GALNT12: variants seen among roughly 807,000 people sequenced by gnomAD.
GALNT12 encodes the protein UDP-GalNAc:polypeptide N-acetylgalactosaminyltransferase 12.
GALNT12 carries 45 observed loss-of-function variants against 55.5 expected under a neutral mutation model. That is an observed-to-expected ratio of 0.81 (90% CI 0.64 to 1.04). GALNT12 has a LOEUF of 1.04. Ranked by LOEUF, GALNT12 falls within the 50% of genes least tolerant of loss-of-function variation. The pLI is 0.00. For synonymous variants in GALNT12, 304 were observed against 312.2 expected (o/e 0.97, Z 0.28); for missense variants, 709 against 754.8 (o/e 0.94, Z 0.71).
At chr9:98,830,379 G>A (rs1011124293) in intron 3 of GALNT12, among the ~76,000 whole-genome samples, 3 of 152,220 alleles carry the variant, frequency 2.0e-5, no homozygotes, top group African/African-American at 7.2e-5. Context: ...TATCAGGGAG[G>A]CCAAGTATCC....
intron 1 of GALNT12, among the ~76,000 whole-genome samples, chr9:98,811,097 G>T (rs1835485993): frequency 1.3e-5 from 2 of 152,284 alleles, no homozygotes; most frequent in Admixed American, 6.5e-5. Context: ...AATATCTGTG[G>T]CTAGGACCTA....
chr9:98,838,253 C>T (rs904586396), intron 6 of GALNT12, among the ~76,000 whole-genome samples: 2 of 152,190 alleles, frequency 1.3e-5, no homozygotes, highest in South Asian at 2.1e-4. Context: ...CCCAGGCCCC[C>T]GCTGCTACTC....
chr9:98,849,845 AT>A lies in GALNT12; in HGVS notation c.*758del, dbSNP rs1359326017. 2 of 341,938 alleles carry A rather than the reference AT, an allele frequency of 5.8e-6. No individual in the cohort carries two copies. The highest frequency in any genetic ancestry group is 4.2e-5 in the African/African-American group (2 of 47,712). The allele number at this position is 341,938 out of a possible 1,614,324, so 21.2% of individuals were successfully genotyped here. ...TTAAAACATGTTTATATCATTTTTAATTTTTATGATACGGTAGTGTCAGGGA... is the reference window on the plus strand; with the variant it reads ...TTAAAACATGTTTATATCATTTTTAATTTTATGATACGGTAGTGTCAGGGA... On this transcript the variant is annotated 3_prime_UTR_variant, in exon 10 of 10. Coordinates refer to ENST00000375011, the MANE Select transcript of GALNT12 (RefSeq NM_024642.5).
intron 7 of GALNT12, among the ~76,000 whole-genome samples, chr9:98,840,525 G>A (rs1402872642): frequency 6.6e-6 from 1 of 152,066 alleles, no homozygotes; most frequent in African/African-American, 2.4e-5. Flanking sequence ...GTCACTTCGA[G>A]TATTTCAAAA....
intron 3 of GALNT12, among the ~76,000 whole-genome samples, chr9:98,829,928 CA>C (rs2118400903): frequency 6.6e-6 from 1 of 152,338 alleles, no homozygotes; most frequent in East Asian, 1.9e-4. Context: ...AGTGCTGCAA[CA>C]AACATGAGAG....
At chr9:98,817,071 C>T (rs1351480709) in intron 1 of GALNT12, among the ~76,000 whole-genome samples, 1 of 152,104 alleles carries the variant, frequency 6.6e-6, no homozygotes, top group Non-Finnish European at 1.5e-5. Context: ...CGTGATTCAC[C>T]CGCCTCGGCC....
chr9:98,821,317 G>T (rs1835729513), intron 1 of GALNT12, among the ~76,000 whole-genome samples: 1 of 152,168 alleles, frequency 6.6e-6, no homozygotes, highest in Admixed American at 6.5e-5. Context: ...GCCCTGTTCT[G>T]CTTTTTTAAT....
intron 6 of GALNT12, among the ~76,000 whole-genome samples, chr9:98,838,349 T>C (rs1322592620): frequency 6.6e-6 from 1 of 152,238 alleles, no homozygotes; most frequent in African/African-American, 2.4e-5. Flanking sequence ...GAGGCCTTGC[T>C]GGGCCCATCT....
At chr9:98,821,420 G>C (rs1464701115) in intron 1 of GALNT12, among the ~76,000 whole-genome samples, 3 of 151,938 alleles carry the variant, frequency 2.0e-5, no homozygotes, top group Admixed American at 2.0e-4. Context: ...AGGAGATTGA[G>C]ACCATCCTGG....
In GALNT12 at chr9:98,840,127, C is replaced by T. The variant is rs200788044; in HGVS notation, c.1338C>T (p.Phe446=). Residue 446 remains phenylalanine, a synonymous_variant, in exon 7 of 10, where the codon TTC becomes TTT. Transcript: ENST00000375011. ...TGCCTGAGGACAGGCCTGGCTTCTT[C>T]GGGATGGTGAGTGAGGGTGGTGGGC... ...LHVPEDRPGF[F]GMLQNKGLTD... 9.9e-6 allele frequency: 16 copies of T among 1,613,306 alleles called. No homozygotes were observed. Among genetic ancestry groups the T allele is most frequent in the East Asian group, 2.2e-5 (1 of 44,884 alleles).
chr9:98,816,480 C>T (rs1172993621), intron 1 of GALNT12, among the ~76,000 whole-genome samples: 1 of 151,816 alleles, frequency 6.6e-6, no homozygotes, highest in African/African-American at 2.4e-5. Flanking sequence ...GGATTGTTCT[C>T]TACATTGAAT....
chr9:98,812,860 A>G (rs1835524025), intron 1 of GALNT12, among the ~76,000 whole-genome samples: 1 of 152,206 alleles, frequency 6.6e-6, no homozygotes. Flanking sequence ...TTTAAAGTAC[A>G]TATTTAACTC....
chr9:98,832,348 T>C (rs968793205), intron 4 of GALNT12, among the ~76,000 whole-genome samples: 3 of 152,118 alleles, frequency 2.0e-5, no homozygotes, highest in Middle Eastern at 6.8e-3. Context: ...AGCAAGAACC[T>C]ATCTCTACAA....
intron 2 of GALNT12, among the ~76,000 whole-genome samples, chr9:98,826,364 A>C (rs751550763): frequency 2.6e-5 from 4 of 152,214 alleles, no homozygotes; most frequent in African/African-American, 4.8e-5. Flanking sequence ...CTGTTTTTAT[A>C]AAAATTGCGA....
At chr9:98,818,523 C>G (rs1835666904) in intron 1 of GALNT12, among the ~76,000 whole-genome samples, 1 of 151,832 alleles carries the variant, frequency 6.6e-6, no homozygotes, top group Non-Finnish European at 1.5e-5. Context: ...CCACACCTGG[C>G]CAGCTGTCCC....
At chr9:98,814,072 G>C (rs1370942211) in intron 1 of GALNT12, among the ~76,000 whole-genome samples, 1 of 152,148 alleles carries the variant, frequency 6.6e-6, no homozygotes, top group Admixed American at 6.6e-5. Flanking sequence ...TCTGGGCCCT[G>C]GATTCAGGGA....
In GALNT12 at chr9:98,837,125, C is replaced by T. The variant is rs1229245218; in HGVS notation, c.1189C>T (p.His397Tyr). ...WMDEFKELYYHRNPRARLEPF... is the reference protein window; with the variant it reads ...WMDEFKELYYYRNPRARLEPF... Reference sequence around the variant, plus strand: ...GGATGAATTTAAAGAGCTCTACTACCATCGCAACCCCCGTGCCCGCTTGGT... The same window carrying T: ...GGATGAATTTAAAGAGCTCTACTACTATCGCAACCCCCGTGCCCGCTTGGT... Residue 397 changes from histidine (H) to tyrosine (Y), a missense_variant, in exon 6 of 10, where the codon CAT becomes TAT. Around this residue, in one of 5 missense-constraint regions of GALNT12, gnomAD observed 262 missense variants for 310.7 expected, o/e 0.84. Transcript: ENST00000375011. The T allele has an allele frequency of 1.2e-6, 2 of 1,614,168 alleles. No individual in the cohort carries two copies. Among genetic ancestry groups the T allele is most frequent in the Non-Finnish European group, 1.7e-6 (2 of 1,180,030 alleles).
chr9:98,841,763 TG>T (rs932206246), intron 7 of GALNT12, among the ~76,000 whole-genome samples: 16 of 151,890 alleles, frequency 1.1e-4, no homozygotes, highest in African/African-American at 3.9e-4. Flanking sequence ...CTCTGCCTCA[TG>T]GGTTCAAGCA....
At chr9:98,848,055 TC>T (rs1258627180) in intron 9 of GALNT12, among the ~76,000 whole-genome samples, 1 of 152,176 alleles carries the variant, frequency 6.6e-6, no homozygotes, top group East Asian at 1.9e-4. Context: ...CCTCAAGTGA[TC>T]CACCTGCCTC....
Sources: gnomAD v4.1 joint callset for allele counts (sites outside exome capture counted in the v4.1 genomes callset) on GRCh38, gnomAD v4.1.1 for gene constraint, gnomAD v4.1.1 regional missense constraint, MANE v1.5 for transcripts, NCBI Gene and HGNC (gene_info 2026-07-23, HGNC 2026-07-21) for gene names.